The following NR5A1 variants were observed in gnomAD, a reference collection of about 807,000 sequenced individuals.
NR5A1 encodes the protein steroidogenic factor 1.
Under a neutral mutation model 42.7 loss-of-function variants are expected in NR5A1, and 6 were observed. The ratio of observed to expected loss-of-function variants is 0.14; its 90% CI spans 0.08 to 0.28. NR5A1 has a LOEUF of 0.28. Among genes scored for constraint, NR5A1 ranks in the 10% least tolerant of loss-of-function variants. The pLI is 1.00. For synonymous variants in NR5A1, 274 were observed against 277.5 expected (o/e 0.99, Z 0.12); for missense variants, 442 against 626.4 (o/e 0.71, Z 3.14).
Position 124,500,726 on chromosome 9 carries a change from G to T in NR5A1, c.245-11C>A. ...GGTCAGCGCGCACGGCTGTGGGCAGGGGCAGAGGGTCAGACTCACCCTCTC... is the reference window on the plus strand; with the variant it reads ...GGTCAGCGCGCACGGCTGTGGGCAGTGGCAGAGGGTCAGACTCACCCTCTC... On this transcript the variant is annotated splice_polypyrimidine_tract_variant and intron_variant, in intron 3 of 6. Coordinates refer to ENST00000373588, the MANE Select transcript of NR5A1 (RefSeq NM_004959.5). This position sits in a 1 kb window ranked among gnomAD's most constrained non-coding sequence, Gnocchi z 6.9. 1 of 1,612,498 alleles carries T rather than the reference G, an allele frequency of 6.2e-7. No individual in the cohort carries two copies.
Position 124,482,869 on chromosome 9 carries a change from C to T in NR5A1, c.1275G>A (p.Glu425=). ...TGGCCTGCATGCTCAGGGCCCGCAC[C>T]TCCACCAGGCACAGCAGCAGCTGCT... ...KFQQLLLCLV[E]VRALSMQAKE... is the part of the protein sequence containing the mutation. Residue 425 remains glutamate, a synonymous_variant, in exon 7 of 7, where the codon GAG becomes GAA. Transcript: ENST00000373588. The T allele has an allele frequency of 1.2e-6, 2 of 1,614,150 alleles. No individual in the cohort carries two copies. Among genetic ancestry groups the T allele is most frequent in the Non-Finnish European group, 1.7e-6 (2 of 1,180,030 alleles).
intron 4 of NR5A1, among the ~76,000 whole-genome samples, chr9:124,497,645 T>C (rs896827925): frequency 8.5e-5 from 13 of 152,140 alleles, no homozygotes; most frequent in African/African-American, 1.2e-4. Flanking sequence ...AGCCCCTCCC[T>C]GACCCGGAAC....
chr9:124,504,024 C>CAGACAGAGAGAGAGAGAGAGAG (rs368063610), intron 1 of NR5A1, among the ~76,000 whole-genome samples: 2 of 105,910 alleles, frequency 1.9e-5, no homozygotes, highest in African/African-American at 1.2e-4. Context: ...GACAGGGAGA[C>CAGACAGAGAGAGAGAGAGAGAG]AGAGAGAGAG....
chr9:124,485,787 A>G (rs1366910118), intron 6 of NR5A1, among the ~76,000 whole-genome samples: 1 of 152,204 alleles, frequency 6.6e-6, no homozygotes, highest in African/African-American at 2.4e-5. Context: ...TTCAAAGGTC[A>G]TGGGAAGTCA....
intron 6 of NR5A1, among the ~76,000 whole-genome samples, chr9:124,484,764 A>C (rs999080534): frequency 6.6e-6 from 1 of 151,808 alleles, no homozygotes; most frequent in African/African-American, 2.4e-5. Context: ...TAAATAAATA[A>C]ATAAATAAAT....
chr9:124,487,068 G>A lies in NR5A1; in HGVS notation c.1138+4013C>T, dbSNP rs1312439468. On this transcript the variant is annotated intron_variant, in intron 6 of 6. Transcript: ENST00000373588. ...TTGGAGAGGAGCCTGCGCCCCCCAA[G>A]CCCGCTCAGCTCCCGGCACTCGCGG... 3.3e-5 allele frequency among the ~76,000 whole-genome samples: 5 copies of A among 152,372 alleles called. 1 individual carries two copies. The highest frequency in any genetic ancestry group is 4.1e-4 in the South Asian group (2 of 4,828).
Position 124,501,034 on chromosome 9 carries a change from G to A in NR5A1, c.245-319C>T, listed in dbSNP as rs147497093. 1,082 of 633,638 alleles carry A rather than the reference G, an allele frequency of 1.7e-3. 9 individuals are homozygous for A. The African/African-American group carries it at 0.018, about 10-fold the overall frequency. 39.3% of individuals were successfully genotyped at this position (633,638 alleles called of 1,614,324 possible). ...ACTCAAACTTTTTTTTTTCTCTTGT[G>A]CTTGCTGAACACCCAGCCTCAATGT... is the stretch of plus-strand genomic sequence containing the variant. On this transcript the variant is annotated intron_variant, in intron 3 of 6. Transcript: ENST00000373588. This position sits in a 1 kb window ranked among gnomAD's most constrained non-coding sequence, Gnocchi z 4.1.
intron 4 of NR5A1, among the ~76,000 whole-genome samples, chr9:124,499,867 G>A (rs1268541047): frequency 6.6e-6 from 1 of 151,860 alleles, no homozygotes; most frequent in Non-Finnish European, 1.5e-5. Context: ...GTGGCTCCTT[G>A]AGCAGAGGCT....
chr9:124,504,913 C>T (rs1240762527), intron 1 of NR5A1, among the ~76,000 whole-genome samples: 2 of 147,536 alleles, frequency 1.4e-5, no homozygotes, highest in Non-Finnish European at 3.0e-5. Flanking sequence ...TTCCCCCCCG[C>T]ACCGCCGCCG....
At chr9:124,494,641 C>T (rs1832361153) in intron 4 of NR5A1, among the ~76,000 whole-genome samples, 2 of 152,164 alleles carry the variant, frequency 1.3e-5, no homozygotes, top group African/African-American at 4.8e-5. Context: ...CCAAGACAAG[C>T]ACAGAGAGCA....
intron 6 of NR5A1, among the ~76,000 whole-genome samples, chr9:124,484,226 G>A (rs1401491351): frequency 6.6e-6 from 1 of 152,174 alleles, no homozygotes; most frequent in Non-Finnish European, 1.5e-5. Flanking sequence ...CCACCGTAAA[G>A]TCAAAAAATC....
chr9:124,484,967 GA>G (rs1160853963), intron 6 of NR5A1, among the ~76,000 whole-genome samples: 1 of 152,142 alleles, frequency 6.6e-6, no homozygotes, highest in African/African-American at 2.4e-5. Context: ...TGAAGAGACA[GA>G]AAGTAAAATG....
intron 6 of NR5A1, among the ~76,000 whole-genome samples, chr9:124,486,167 A>G (rs1157724374): frequency 2.0e-5 from 3 of 151,972 alleles, no homozygotes; most frequent in African/African-American, 4.8e-5. Context: ...CAGCAGTTCT[A>G]TGGCTTCCCA....
chr9:124,505,776 G>A (rs1444798559), intron 1 of NR5A1, among the ~76,000 whole-genome samples: 2 of 152,200 alleles, frequency 1.3e-5, no homozygotes, highest in African/African-American at 2.4e-5. Flanking sequence ...CTCTCACGGG[G>A]GGGTGGGGCG....
intron 4 of NR5A1, among the ~76,000 whole-genome samples, chr9:124,495,286 C>A (rs1832373965): frequency 6.6e-6 from 1 of 152,226 alleles, no homozygotes; most frequent in Non-Finnish European, 1.5e-5. Context: ...CTTGGAAGTG[C>A]CAGCCCCCAT....
intron 6 of NR5A1, 38 bp from the exon 7 acceptor site, chr9:124,483,043 T>C (rs776386697): frequency 6.2e-7 from 1 of 1,611,582 alleles, no homozygotes; most frequent in Non-Finnish European, 8.5e-7. Flanking sequence ...CGCGTCACCA[T>C]CCATGCCCAT....
Position 124,482,594 on chromosome 9 carries a change from A to T in NR5A1, c.*164T>A. 1.2e-6 allele frequency: 1 copy of T among 829,586 alleles called. No homozygotes were observed. The highest frequency in any genetic ancestry group is 1.9e-6 in the Non-Finnish European group (1 of 530,022). 51.4% of individuals were successfully genotyped at this position (829,586 alleles called of 1,614,324 possible). ...TGCCCAGCCTCACCCACCTTCCCAAACACACAGTGTCAGAACTCAGGGGCA... is the reference window on the plus strand; with the variant it reads ...TGCCCAGCCTCACCCACCTTCCCAATCACACAGTGTCAGAACTCAGGGGCA... On this transcript the variant is annotated 3_prime_UTR_variant, in exon 7 of 7. Coordinates refer to ENST00000373588, the MANE Select transcript of NR5A1 (RefSeq NM_004959.5).
intron 6 of NR5A1, among the ~76,000 whole-genome samples, chr9:124,483,608 T>C (rs908103500): frequency 6.6e-6 from 1 of 152,192 alleles, no homozygotes; most frequent in African/African-American, 2.4e-5. Flanking sequence ...ATTGCTGCCA[T>C]AACCAACACC....
At chr9:124,494,931 C>T (rs1386136526) in intron 4 of NR5A1, among the ~76,000 whole-genome samples, 1 of 152,214 alleles carries the variant, frequency 6.6e-6, no homozygotes, top group Non-Finnish European at 1.5e-5. Context: ...AGCTCTGTCT[C>T]GTAGGAGATA....
Sources: allele counts gnomAD v4.1 joint callset (sites outside exome capture counted in the v4.1 genomes callset), GRCh38; gene constraint gnomAD v4.1.1; non-coding constraint Gnocchi (gnomAD v3.1); transcripts MANE v1.5; gene names NCBI Gene and HGNC (gene_info 2026-07-23, HGNC 2026-07-21).